Variants in DESI2 observed in about 807,000 individuals in gnomAD.
DESI2 encodes deubiquitinase DESI2.
Under a neutral mutation model 24.1 loss-of-function variants are expected in DESI2, and 10 were observed. The observed-to-expected ratio is 0.41, with a 90% CI of 0.26 to 0.70. The LOEUF (loss-of-function observed/expected upper bound fraction) is 0.70. DESI2 is among the 30% of genes least tolerant of loss of function. DESI2 has a pLI of 0.29. For synonymous variants in DESI2, 71 were observed against 87.7 expected, an observed-to-expected ratio of 0.81 and a Z score of 1.06; for missense variants, 122 against 234.9, an observed-to-expected ratio of 0.52 and a Z score of 3.14.
intron 1 of DESI2, 50 bp downstream of exon 1, chr1:244,653,405 C>A: frequency 6.5e-7 from 1 of 1,529,830 alleles, no homozygotes; most frequent in Non-Finnish European, 8.7e-7. Flanking sequence ...CCGGCTTCCT[C>A]TCGCCCGTGG....
intron 1 of DESI2, among the ~76,000 whole-genome samples, chr1:244,656,143 A>C (rs1675640402): frequency 6.6e-6 from 1 of 152,204 alleles, no homozygotes; most frequent in African/African-American, 2.4e-5. Flanking sequence ...GGCCTAGTAC[A>C]TCAGCTGTCT....
chr1:244,690,380 AT>A (rs1676981111), intron 3 of DESI2, among the ~76,000 whole-genome samples: 2 of 152,070 alleles, frequency 1.3e-5, no homozygotes, highest in South Asian at 4.1e-4. Flanking sequence ...TAATAATAAA[AT>A]TTTCATTCCT....
At chr1:244,665,676 G>T (rs777896154) in intron 1 of DESI2, among the ~76,000 whole-genome samples, 1 of 152,168 alleles carries the variant, frequency 6.6e-6, no homozygotes, top group Non-Finnish European at 1.5e-5. Flanking sequence ...ATATGGATGG[G>T]CTTCATCCAG....
chr1:244,654,377 C>T (rs930829785), intron 1 of DESI2, among the ~76,000 whole-genome samples: 11 of 152,210 alleles, frequency 7.2e-5, no homozygotes, highest in Non-Finnish European at 1.0e-4. Context: ...AGAAATACTA[C>T]AGGCCAAGAG....
intron 1 of DESI2, among the ~76,000 whole-genome samples, chr1:244,678,620 C>G (rs191978501): frequency 1.3e-5 from 2 of 152,154 alleles, no homozygotes; most frequent in Non-Finnish European, 2.9e-5. Flanking sequence ...AGGCTATTTA[C>G]TGCTCAACTG....
chr1:244,699,077 C>G (rs1435568078), intron 4 of DESI2, among the ~76,000 whole-genome samples: 1 of 152,178 alleles, frequency 6.6e-6, no homozygotes, highest in Non-Finnish European at 1.5e-5. Context: ...ACTCTGCTAC[C>G]TTTCTACTGG....
At chr1:244,693,971 A>C (rs1677118227) in intron 4 of DESI2, among the ~76,000 whole-genome samples, 1 of 152,266 alleles carries the variant, frequency 6.6e-6, no homozygotes, top group Non-Finnish European at 1.5e-5. Flanking sequence ...GAAGACAAGC[A>C]AATTAATATT....
At chr1:244,665,563 A>G (rs996215392) in intron 1 of DESI2, among the ~76,000 whole-genome samples, 21 of 152,218 alleles carry the variant, frequency 1.4e-4, no homozygotes, top group African/African-American at 4.8e-4. Context: ...TGAGTAGACC[A>G]TGGTACCCAG....
intron 1 of DESI2, among the ~76,000 whole-genome samples, chr1:244,668,335 A>G (rs539386812): frequency 2.0e-5 from 3 of 152,360 alleles, no homozygotes; most frequent in African/African-American, 7.2e-5. Context: ...AGTACCAACA[A>G]GACCTCATAA....
chr1:244,700,869 TAAGG>T (rs1677423003), intron 4 of DESI2, among the ~76,000 whole-genome samples: 1 of 152,200 alleles, frequency 6.6e-6, no homozygotes, highest in African/African-American at 2.4e-5. Context: ...TATAGAAGGT[TAAGG>T]TTTTTTGTTG....
rs147623884 is a variant in DESI2, at chr1:244,675,677, T to C, written c.43-10920T>C. On this transcript the variant is annotated intron_variant, in intron 1 of 4. Coordinates refer to ENST00000302550, the MANE Select transcript of DESI2 (RefSeq NM_016076.5). Reference sequence around the variant, plus strand: ...GCCAGTAATACACTGTCTTGATTACTGTAGCTCTGTGCTAAATGTTGAAAT... The same window carrying C: ...GCCAGTAATACACTGTCTTGATTACCGTAGCTCTGTGCTAAATGTTGAAAT... Among the ~76,000 whole-genome samples the C allele has an allele frequency of 8.1e-3, 1,228 of 152,342 alleles. 25 individuals are homozygous for C. Among genetic ancestry groups the C allele is most frequent in the African/African-American group, 0.028 (1,152 of 41,584 alleles).
intron 4 of DESI2, among the ~76,000 whole-genome samples, chr1:244,700,123 G>A (rs561147765): frequency 6.6e-5 from 10 of 152,190 alleles, no homozygotes; most frequent in African/African-American, 1.7e-4. Flanking sequence ...GCACCTTTTC[G>A]CTTGCCAATT....
intron 4 of DESI2, among the ~76,000 whole-genome samples, chr1:244,702,790 G>GATA (rs1424941584): frequency 3.3e-5 from 5 of 152,202 alleles, no homozygotes; most frequent in African/African-American, 1.2e-4. Context: ...AGCTTCACCT[G>GATA]TAGCACATGG....
chr1:244,661,536 T>A (rs1393563382), intron 1 of DESI2, among the ~76,000 whole-genome samples: 5 of 152,128 alleles, frequency 3.3e-5, no homozygotes, highest in Non-Finnish European at 5.9e-5. Flanking sequence ...ATTAGGTATA[T>A]CTCCTAATGC....
intron 4 of DESI2, among the ~76,000 whole-genome samples, chr1:244,702,339 C>A (rs532625781): frequency 4.6e-5 from 7 of 152,102 alleles, no homozygotes; most frequent in Admixed American, 2.0e-4. Flanking sequence ...CATGGTGAAA[C>A]GCCGTCTCTA....
intron 1 of DESI2, chr1:244,654,108 C>T (rs1444588113): frequency 4.5e-6 from 2 of 445,958 alleles, no homozygotes; most frequent in Non-Finnish European, 9.3e-6. Context: ...GTATGGCAAG[C>T]ACGCAGAATC....
chr1:244,707,930 A>G lies in DESI2; in HGVS notation c.*2141A>G, dbSNP rs926021833. ...AATAGTGTCCTAAGGCCAATTACCTACCATACTAACAATCAGCAGATAAAA... is the reference window on the plus strand; with the variant it reads ...AATAGTGTCCTAAGGCCAATTACCTGCCATACTAACAATCAGCAGATAAAA... On this transcript the variant is annotated 3_prime_UTR_variant, in exon 5 of 5. Coordinates refer to ENST00000302550, the MANE Select transcript of DESI2 (RefSeq NM_016076.5). The G allele has an allele frequency of 2.6e-5, 4 of 152,204 alleles. No homozygotes were observed. Among genetic ancestry groups the G allele is most frequent in the Admixed American group, 2.6e-4 (4 of 15,278 alleles). 9.4% of individuals were successfully genotyped at this position (152,204 alleles called of 1,614,324 possible).
chr1:244,653,375 GC>G lies in DESI2; in HGVS notation c.42+24del. On this transcript the variant is annotated intron_variant, in intron 1 of 4. Coordinates refer to ENST00000302550, the MANE Select transcript of DESI2 (RefSeq NM_016076.5). ...GACATGGTGAGTGCGGCCCCTGGCG[GC>G]CCCGAGCCCTGGCCCAGGCCGGCTT... 2 of 1,542,754 alleles carry G rather than the reference GC, an allele frequency of 1.3e-6. No homozygotes were observed. Among genetic ancestry groups the G allele is most frequent in the Non-Finnish European group, 1.7e-6 (2 of 1,151,794 alleles).
At chr1:244,667,979 A>G (rs895096435) in intron 1 of DESI2, among the ~76,000 whole-genome samples, 8 of 152,242 alleles carry the variant, frequency 5.3e-5, no homozygotes, top group Non-Finnish European at 1.2e-4. Flanking sequence ...CTATTTCATT[A>G]TGAAAGAAAA....
Sources: allele counts gnomAD v4.1 joint callset (sites outside exome capture counted in the v4.1 genomes callset), GRCh38; gene constraint gnomAD v4.1.1; transcripts MANE v1.5; gene names NCBI Gene and HGNC (gene_info 2026-07-23, HGNC 2026-07-21).